Variants in CCDC102B observed in about 807,000 individuals in gnomAD.
CCDC102B encodes coiled-coil domain containing 102B.
Under a neutral mutation model 57.4 loss-of-function variants are expected in CCDC102B, and 75 were observed. The ratio of observed to expected loss-of-function variants is 1.31; its 90% CI spans 1.08 to 1.58. The LOEUF (loss-of-function observed/expected upper bound fraction) is 1.58. Ranked by LOEUF, CCDC102B falls within the 40% of genes most tolerant of loss-of-function variation. The pLI is 0.00. For missense variants in CCDC102B, 636 were observed against 582.6 expected (o/e 1.09, Z -0.94); for synonymous variants, 206 against 201.9 (o/e 1.02, Z -0.17).
chr18:68,940,061 T>G (rs1426345252), intron 6 of CCDC102B, among the ~76,000 whole-genome samples: 2 of 151,666 alleles, frequency 1.3e-5, no homozygotes, highest in African/African-American at 4.8e-5. Flanking sequence ...AGTATTCCAT[T>G]TTTTTTAGAT....
At chr18:68,797,015 A>G (rs191344063), upstream of CCDC102B, among the ~76,000 whole-genome samples, 10 of 152,250 alleles carry the variant, frequency 6.6e-5, no homozygotes, top group South Asian at 4.1e-4. Flanking sequence ...TCATTGGCAT[A>G]CATGAAATTG....
At chr18:68,748,065 T>G (rs562781523) in intron 2 of CCDC102B, among the ~76,000 whole-genome samples, 35 of 152,288 alleles carry the variant, frequency 2.3e-4, no homozygotes, top group African/African-American at 8.2e-4. Context: ...CTGACAAATG[T>G]GAGATGATAT....
chr18:68,834,085 A>T (rs901634497), intron 1 of CCDC102B, among the ~76,000 whole-genome samples: 3 of 152,118 alleles, frequency 2.0e-5, no homozygotes, highest in African/African-American at 4.8e-5. Flanking sequence ...TGCCTGAGAA[A>T]ACTTTTTAAA....
chr18:68,876,076 T>C (rs2039434952), intron 5 of CCDC102B, among the ~76,000 whole-genome samples: 1 of 152,218 alleles, frequency 6.6e-6, no homozygotes, highest in Non-Finnish European at 1.5e-5. Flanking sequence ...AGGATAGATA[T>C]CTCTTTTTCT....
chr18:68,852,092 C>T (rs8092124), intron 4 of CCDC102B, among the ~76,000 whole-genome samples: 8 of 151,470 alleles, frequency 5.3e-5, no homozygotes, highest in African/African-American at 1.7e-4. Flanking sequence ...TGGACCAGGT[C>T]GCCTGCCTTC....
chr18:68,723,586 G>A (rs573368177), intron 2 of CCDC102B, among the ~76,000 whole-genome samples: 10 of 152,194 alleles, frequency 6.6e-5, no homozygotes, highest in Non-Finnish European at 7.3e-5. Context: ...ATGCAAGTCC[G>A]AAATCCAACA....
intron 6 of CCDC102B, among the ~76,000 whole-genome samples, chr18:68,912,250 T>G (rs1347418082): frequency 6.6e-6 from 1 of 152,184 alleles, no homozygotes; most frequent in Non-Finnish European, 1.5e-5. Flanking sequence ...AAAATAACAC[T>G]TTCTTGATGT....
At position 68,857,267 on chromosome 18, in the gene CCDC102B, A is replaced by AAATATATTTATATATTT. The variant is rs2038483344; in HGVS notation, c.936+10846_936+10847insAATATATTTATATATTT. ...ATATATTTATTATTTAAATATATAAATATATATATAATATATATTTATATA... is the reference window on the plus strand; with the variant it reads ...ATATATTTATTATTTAAATATATAAAAATATATTTATATATTTTATATATATAATATATATTTATATA... On this transcript the variant is annotated intron_variant, in intron 4 of 7. Transcript: ENST00000360242. 8.7e-4 allele frequency among the ~76,000 whole-genome samples: 9 copies of AAATATATTTATATATTT among 10,364 alleles called. 1 individual carries two copies. Among genetic ancestry groups the AAATATATTTATATATTT allele is most frequent in the Non-Finnish European group, 3.1e-3 (7 of 2,238 alleles). 6.8% of individuals were successfully genotyped at this position (10,364 alleles called of 152,430 possible).
intron 6 of CCDC102B, among the ~76,000 whole-genome samples, chr18:68,932,383 T>C (rs1235842327): frequency 6.6e-6 from 1 of 151,922 alleles, no homozygotes; most frequent in African/African-American, 2.4e-5. Flanking sequence ...AAGTCATTTC[T>C]AATGGAGAAG....
chr18:68,779,646 T>A (rs537014341), intron 2 of CCDC102B, among the ~76,000 whole-genome samples: 13 of 152,166 alleles, frequency 8.5e-5, no homozygotes, highest in Admixed American at 5.9e-4. Flanking sequence ...ATCAAAAATG[T>A]TTGGAGACCA....
At chr18:68,853,383 G>A (rs562573054) in intron 4 of CCDC102B, among the ~76,000 whole-genome samples, 1 of 151,578 alleles carries the variant, frequency 6.6e-6, no homozygotes, top group African/African-American at 2.4e-5. Flanking sequence ...GTCAAAAAAT[G>A]ATCAACTTTT....
intron 2 of CCDC102B, among the ~76,000 whole-genome samples, chr18:68,755,959 A>G (rs1249777747): frequency 2.0e-5 from 3 of 151,856 alleles, no homozygotes; most frequent in East Asian, 3.9e-4. Flanking sequence ...TAAAAGAGCT[A>G]TTCAATCAAC....
At chr18:68,956,139 G>C (rs1337316799) in intron 6 of CCDC102B, among the ~76,000 whole-genome samples, 1 of 150,830 alleles carries the variant, frequency 6.6e-6, no homozygotes, top group Non-Finnish European at 1.5e-5. Flanking sequence ...TGCAAATGAA[G>C]GGATATCATC....
intron 2 of CCDC102B, among the ~76,000 whole-genome samples, chr18:68,776,153 A>G (rs2034808222): frequency 6.6e-6 from 1 of 152,006 alleles, no homozygotes; most frequent in South Asian, 2.1e-4. Flanking sequence ...TGTGGAGTGT[A>G]TTCTGGGTTT....
intron 1 of CCDC102B, among the ~76,000 whole-genome samples, chr18:68,835,056 T>G (rs2037308377): frequency 6.6e-6 from 1 of 152,138 alleles, no homozygotes; most frequent in Admixed American, 6.6e-5. Flanking sequence ...CTTTATTAAT[T>G]TACAAATTAA....
intron 1 of CCDC102B, chr18:68,823,242 A>T (rs1014020988): frequency 6.6e-6 from 1 of 152,264 alleles, no homozygotes; most frequent in South Asian, 2.1e-4. Flanking sequence ...TTCAAAGAGC[A>T]TTGCAATCGG....
At chr18:68,776,488 A>T (rs1164563401) in intron 2 of CCDC102B, among the ~76,000 whole-genome samples, 1 of 152,218 alleles carries the variant, frequency 6.6e-6, no homozygotes, top group Non-Finnish European at 1.5e-5. Flanking sequence ...GCAGCCACAA[A>T]AAAGAATGAG....
intron 1 of CCDC102B, among the ~76,000 whole-genome samples, chr18:68,806,890 G>C (rs1361481957): frequency 6.6e-6 from 1 of 151,992 alleles, no homozygotes; most frequent in South Asian, 2.1e-4. Context: ...CACAATTCAG[G>C]CGACCCTCAT....
chr18:68,855,569 A>G (rs2038344535), intron 4 of CCDC102B, among the ~76,000 whole-genome samples: 1 of 152,214 alleles, frequency 6.6e-6, no homozygotes, highest in South Asian at 2.1e-4. Flanking sequence ...AATCAACTGT[A>G]GAATATTTTC....
Sources: allele counts gnomAD v4.1 joint callset (sites outside exome capture counted in the v4.1 genomes callset), GRCh38; gene constraint gnomAD v4.1.1; transcripts MANE v1.5; gene names NCBI Gene and HGNC (gene_info 2026-07-23, HGNC 2026-07-21).